Variants in CSMD1 observed in about 807,000 individuals in gnomAD.
The protein encoded by CSMD1 is CUB and Sushi multiple domains 1, also known as CUB and sushi domain-containing protein 1.
A neutral mutation model predicts 417.5 loss-of-function variants in CSMD1; 213 were observed. The ratio of observed to expected loss-of-function variants is 0.51; its 90% CI spans 0.46 to 0.57. The LOEUF (loss-of-function observed/expected upper bound fraction) is 0.57, where lower values mean the gene tolerates loss of function less well. Among genes scored for constraint, CSMD1 ranks in the 20% least tolerant of loss-of-function variants. The pLI, the probability that CSMD1 is intolerant of heterozygous loss-of-function variation, is 0.00. For synonymous variants in CSMD1, 2,862 were observed against 1,736.8 expected (o/e 1.65, Z -16.11); for missense variants, 6,923 against 4,529.7 (o/e 1.53, Z -15.17).
intron 2 of CSMD1, among the ~76,000 whole-genome samples, chr8:4,635,398 A>T (rs1219086782): frequency 6.6e-6 from 1 of 152,170 alleles, no homozygotes; most frequent in Non-Finnish European, 1.5e-5. Context: ...ATATAAAATG[A>T]TCATAATAGT....
At chr8:4,819,646 TATC>T (rs1173195325) in intron 1 of CSMD1, among the ~76,000 whole-genome samples, 11 of 152,198 alleles carry the variant, frequency 7.2e-5, no homozygotes, top group Admixed American at 6.5e-4. Flanking sequence ...CATCAACAAA[TATC>T]ATCTGTTGTC....
At chr8:3,448,198 C>A (rs775743471) in intron 12 of CSMD1, among the ~76,000 whole-genome samples, 8 of 149,344 alleles carry the variant, frequency 5.4e-5, no homozygotes, top group Non-Finnish European at 1.2e-4. Context: ...AAATAAAAAG[C>A]CTGTCTGTGT....
intron 3 of CSMD1, among the ~76,000 whole-genome samples, chr8:4,179,721 C>G (rs895996162): frequency 1.7e-4 from 24 of 139,726 alleles, no homozygotes; most frequent in African/African-American, 6.3e-4. Flanking sequence ...TGAACTCCAA[C>G]AAATTTACAA....
chr8:4,372,656 C>G (rs1012541331), intron 3 of CSMD1, among the ~76,000 whole-genome samples: 3 of 142,688 alleles, frequency 2.1e-5, no homozygotes, highest in Non-Finnish European at 4.6e-5. Context: ...AAATCACAAA[C>G]AAAAAGCCAC....
intron 12 of CSMD1, among the ~76,000 whole-genome samples, chr8:3,463,649 G>A (rs1005462030): frequency 2.0e-5 from 3 of 152,182 alleles, no homozygotes; most frequent in Non-Finnish European, 2.9e-5. Context: ...AGCACCCTGT[G>A]CCGTCATTGC....
In CSMD1 at chr8:3,052,473, G is replaced by A. The variant is rs370012708; in HGVS notation, c.7649C>T (p.Pro2550Leu). Residue 2550 changes from proline to leucine, a missense_variant, in exon 50 of 70, where the codon CCC becomes CTC. Transcript: ENST00000635120. The part of the protein sequence containing the change: ...DGLWSNKGKP[P>L]TCKPVACPSI... ...CCCTGAACACTTACGCTTACACGTGGGCGGCTTCCCCTTGTTACTCCACAA... is the reference window on the plus strand; with the variant it reads ...CCCTGAACACTTACGCTTACACGTGAGCGGCTTCCCCTTGTTACTCCACAA... 1.5e-5 allele frequency: 24 copies of A among 1,577,588 alleles called. No homozygotes were observed. The highest frequency in any genetic ancestry group is 2.1e-5 in the Non-Finnish European group (24 of 1,160,828).
chr8:4,027,597 T>C (rs1238944670), intron 4 of CSMD1, among the ~76,000 whole-genome samples: 1 of 152,180 alleles, frequency 6.6e-6, no homozygotes, highest in East Asian at 1.9e-4. Context: ...TCCGCAGCCA[T>C]GCAGAACTGT....
At chr8:3,510,419 A>C in intron 10 of CSMD1, among the ~76,000 whole-genome samples, 1 of 151,924 alleles carries the variant, frequency 6.6e-6, no homozygotes, top group Non-Finnish European at 1.5e-5. Flanking sequence ...TCTGTTGCTG[A>C]TTTGGCCTGG....
intron 1 of CSMD1, among the ~76,000 whole-genome samples, chr8:4,747,447 G>C (rs903384378): frequency 1.6e-4 from 24 of 152,266 alleles, no homozygotes; most frequent in African/African-American, 5.3e-4. Context: ...ACTTATGTCA[G>C]AGAAAATTTA....
intron 2 of CSMD1, among the ~76,000 whole-genome samples, chr8:4,454,680 T>A (rs1343377175): frequency 6.6e-6 from 1 of 152,202 alleles, no homozygotes; most frequent in East Asian, 1.9e-4. Flanking sequence ...TCTTAGCATG[T>A]TCTCTACATA....
chr8:3,456,721 T>C (rs1816167099), intron 12 of CSMD1, among the ~76,000 whole-genome samples: 2 of 152,116 alleles, frequency 1.3e-5, no homozygotes, highest in Admixed American at 1.3e-4. Context: ...ACGAAATATT[T>C]GGAGCTGTTG....
At chr8:3,394,014 AT>A (rs869098554) in intron 17 of CSMD1, among the ~76,000 whole-genome samples, 374 of 25,326 alleles carry the variant, frequency 0.015, 21 homozygotes, top group African/African-American at 0.046. Context: ...AAAATAAATT[AT>A]ATATATATAT....
At chr8:3,667,013 C>A (rs935632743) in intron 7 of CSMD1, among the ~76,000 whole-genome samples, 1 of 152,128 alleles carries the variant, frequency 6.6e-6, no homozygotes, top group Non-Finnish European at 1.5e-5. Flanking sequence ...TGGCACAACC[C>A]TGAAGGCGCC....
chr8:3,768,490 A>G (rs539721603), intron 5 of CSMD1, among the ~76,000 whole-genome samples: 2 of 152,334 alleles, frequency 1.3e-5, no homozygotes, highest in Admixed American at 6.5e-5. Flanking sequence ...TTTCTAGTTT[A>G]TGCCATAAAC....
chr8:4,805,048 G>C (rs534750784), intron 1 of CSMD1, among the ~76,000 whole-genome samples: 6 of 152,170 alleles, frequency 3.9e-5, no homozygotes, highest in African/African-American at 1.4e-4. Flanking sequence ...CTTTGTAATG[G>C]AGCAGCTCCA....
Position 4,962,997 on chromosome 8 carries a change from C to T in CSMD1, c.85+31335G>A, listed in dbSNP as rs961668439. Among the ~76,000 whole-genome samples the T allele has an allele frequency of 4.6e-5, 7 of 152,042 alleles. No individual in the cohort carries two copies. The South Asian group carries it at 6.2e-4, about 13-fold the overall frequency. ...TCGAAGAATCTAGTGACGCTATATACGTATTTTTCAACCAGGTGCCCTGTT... is the reference window on the plus strand; with the variant it reads ...TCGAAGAATCTAGTGACGCTATATATGTATTTTTCAACCAGGTGCCCTGTT... On this transcript the variant is annotated intron_variant, in intron 1 of 69. Coordinates refer to ENST00000635120, the MANE Select transcript of CSMD1 (RefSeq NM_033225.6).
chr8:4,074,527 A>T (rs545598549), intron 3 of CSMD1, among the ~76,000 whole-genome samples: 73 of 152,246 alleles, frequency 4.8e-4, no homozygotes, highest in African/African-American at 1.8e-3. Context: ...GATATTTGAG[A>T]ACATGAGCTA....
At chr8:4,894,591 T>C (rs748128010) in intron 1 of CSMD1, among the ~76,000 whole-genome samples, 66 of 151,666 alleles carry the variant, frequency 4.4e-4, no homozygotes, top group Non-Finnish European at 8.8e-4. Flanking sequence ...ATTGGCAATA[T>C]TGTGAATGAA....
chr8:4,350,484 C>G (rs1219282558), intron 3 of CSMD1, among the ~76,000 whole-genome samples: 2 of 152,212 alleles, frequency 1.3e-5, no homozygotes, highest in Non-Finnish European at 2.9e-5. Flanking sequence ...ACAAACCACA[C>G]ATAAAGGTAA....
Sources: gnomAD v4.1 joint callset for allele counts (sites outside exome capture counted in the v4.1 genomes callset) on GRCh38, gnomAD v4.1.1 for gene constraint, MANE v1.5 for transcripts, NCBI Gene and HGNC (gene_info 2026-07-23, HGNC 2026-07-21) for gene names.